Variants in GLRX observed in about 807,000 individuals in gnomAD.
GLRX encodes glutaredoxin-1.
A neutral mutation model predicts 11.1 loss-of-function variants in GLRX; 9 were observed. That is an observed-to-expected ratio of 0.81 (90% CI 0.49 to 1.42). The LOEUF is 1.42. Among genes scored for constraint, GLRX ranks in the 40% most tolerant of loss-of-function variants. The pLI is 0.00. For synonymous variants in GLRX, 49 were observed against 49.5 expected (o/e 0.99, Z 0.04); for missense variants, 102 against 126.2 (o/e 0.81, Z 0.92).
At chr5:95,821,411 A>C (rs549828293) in intron 1 of GLRX, among the ~76,000 whole-genome samples, 31 of 152,312 alleles carry the variant, frequency 2.0e-4, no homozygotes, top group Admixed American at 9.1e-4. Flanking sequence ...ACACAGCAGT[A>C]GGATAACACA....
intron 1 of GLRX, chr5:95,817,643 A>G (rs1747055176): frequency 6.6e-6 from 1 of 152,220 alleles, no homozygotes; most frequent in African/African-American, 2.4e-5. Context: ...GAGGGCTTTT[A>G]GAATCGCGAG....
chr5:95,818,099 C>A (rs1322734518), intron 1 of GLRX: 5 of 152,264 alleles, frequency 3.3e-5, no homozygotes, highest in Non-Finnish European at 7.3e-5. Flanking sequence ...AGCTGCCCCC[C>A]AGCCTCCTGA....
rs771859013 is a variant in GLRX at position 95,822,708 on chromosome 5, A to G, written c.-46T>C. The G allele has an allele frequency of 1.3e-6, 2 of 1,535,616 alleles. No individual in the cohort carries two copies. The highest frequency in any genetic ancestry group is 1.8e-6 in the Non-Finnish European group (2 of 1,112,678). Reference sequence around the variant, plus strand: ...CCGGGAAGAATCCTCAGTTGCAGGTATTGCTTGGGGTATTGAGCCCCGACC... The same window carrying G: ...CCGGGAAGAATCCTCAGTTGCAGGTGTTGCTTGGGGTATTGAGCCCCGACC... On this transcript the variant is annotated 5_prime_UTR_variant, in exon 1 of 3. Coordinates refer to ENST00000237858, the MANE Select transcript of GLRX (RefSeq NM_001118890.2).
chr5:95,820,084 G>C (rs1237724708), intron 1 of GLRX, among the ~76,000 whole-genome samples: 1 of 151,972 alleles, frequency 6.6e-6, no homozygotes, highest in East Asian at 1.9e-4. Flanking sequence ...TGTTGAGGTG[G>C]ATCACATCTG....
At chr5:95,819,897 CAAAAAAA>C (rs35347478) in intron 1 of GLRX, among the ~76,000 whole-genome samples, 1 of 54,176 alleles carries the variant, frequency 1.8e-5, no homozygotes, top group African/African-American at 8.4e-5. Flanking sequence ...GACTCCGTCT[CAAAAAAA>C]AAAAAAAAAA....
At chr5:95,820,801 T>C (rs1238121727) in intron 1 of GLRX, among the ~76,000 whole-genome samples, 1 of 151,706 alleles carries the variant, frequency 6.6e-6, no homozygotes, top group Non-Finnish European at 1.5e-5. Context: ...GTGTTGCACA[T>C]TGGAATCCCC....
intron 2 of GLRX, 127 bp downstream of exon 2, chr5:95,816,380 C>T (rs1746992525): frequency 8.4e-6 from 5 of 596,776 alleles, no homozygotes; most frequent in Non-Finnish European, 1.5e-5. Context: ...TTGACATCAC[C>T]ATTCCTCAAC....
At chr5:95,818,481 A>C (rs1747091839) in intron 1 of GLRX, 1 of 152,138 alleles carries the variant, frequency 6.6e-6, no homozygotes, top group South Asian at 2.1e-4. Flanking sequence ...GAGTTTGGTA[A>C]TCCTGTGGTT....
intron 1 of GLRX, chr5:95,818,835 C>T (rs1747105555): frequency 6.6e-6 from 1 of 152,470 alleles, no homozygotes; most frequent in African/African-American, 2.4e-5. Context: ...CCTATTAGCT[C>T]TCAGACCTCA....
chr5:95,821,773 A>T (rs1329719053), intron 1 of GLRX, among the ~76,000 whole-genome samples: 1 of 152,158 alleles, frequency 6.6e-6, no homozygotes, highest in Non-Finnish European at 1.5e-5. Flanking sequence ...TATTCGTAGC[A>T]AATGGGACTC....
chr5:95,822,651 C>A lies in GLRX; in HGVS notation c.12G>T (p.Glu4Asp), dbSNP rs759561896. ...CAGGCTGGATTTTGCAGTTCACAAA[C>A]TCTTGAGCCATGCCGATGGGCTGCG... is the stretch of plus-strand genomic sequence containing the variant. MAQ[E>D]FVNCKIQPGK... The change falls in exon 1 of 3, where the codon GAG becomes GAT. Residue 4 changes from glutamate (E) to aspartate (D), a missense_variant. Glu to Asp is a conservative substitution (Grantham distance 45, BLOSUM62 2). Coordinates refer to ENST00000237858, the MANE Select transcript of GLRX (RefSeq NM_001118890.2). The A allele has an allele frequency of 1.9e-6, 3 of 1,613,736 alleles. No individual in the cohort carries two copies. The highest frequency in any genetic ancestry group is 2.5e-6 in the Non-Finnish European group (3 of 1,179,802).
chr5:95,816,543 C>T lies in GLRX; in HGVS notation c.291G>A (p.Thr97=), dbSNP rs528811327. ...GCAGAGCTCCAATCTGCTTTAGCCGCGTCAGCAGTTCCCCACTCTGTTGCA... is the reference window on the plus strand; with the variant it reads ...GCAGAGCTCCAATCTGCTTTAGCCGTGTCAGCAGTTCCCCACTCTGTTGCA... ...VSLQQSGELL[T]RLKQIGALQ The change falls in exon 2 of 3, where the codon ACG becomes ACA. Residue 97 remains threonine, a synonymous_variant. Transcript: ENST00000237858. 19 of 1,604,426 alleles carry T rather than the reference C, an allele frequency of 1.2e-5. No individual in the cohort carries two copies. The highest frequency in any genetic ancestry group is 2.7e-5 in the African/African-American group (2 of 74,820).
At chr5:95,822,305 T>C in intron 1 of GLRX, 151 bp downstream of exon 1, 2 of 639,884 alleles carry the variant, frequency 3.1e-6, no homozygotes, top group Non-Finnish European at 5.5e-6. Flanking sequence ...CGAGATCCTC[T>C]CTAAGGCGCC....
intron 1 of GLRX, 31 bp from the exon 2 acceptor site, chr5:95,816,657 A>G (rs1389034711): frequency 4.0e-6 from 4 of 1,003,436 alleles, no homozygotes; most frequent in Middle Eastern, 2.1e-4. Context: ...GGACATTACT[A>G]CATTACTAGA....
intron 1 of GLRX, among the ~76,000 whole-genome samples, chr5:95,820,019 C>T (rs1747167797): frequency 6.6e-6 from 1 of 151,398 alleles, no homozygotes; most frequent in Admixed American, 6.6e-5. Flanking sequence ...AGGAGGAATG[C>T]ACTCAGAATT....
intron 1 of GLRX, chr5:95,822,241 C>T: frequency 1.7e-6 from 1 of 586,954 alleles, no homozygotes; most frequent in Non-Finnish European, 3.0e-6. Flanking sequence ...GCTGTACTCC[C>T]TCTTCTGCCC....
In GLRX at chr5:95,822,506, G is replaced by T; in HGVS notation, c.157C>A (p.His53Asn). ...LEFVDITATNHTNEIQDYLQQ... is the reference protein window; with the variant it reads ...LEFVDITATNNTNEIQDYLQQ... Reference sequence around the variant, plus strand: ...AAATAATCTTGAATCTCGTTAGTGTGGTTGGTGGCTGTGATATCGACAAAT... The same window carrying T: ...AAATAATCTTGAATCTCGTTAGTGTTGTTGGTGGCTGTGATATCGACAAAT... The change falls in exon 1 of 3, where the codon CAC (histidine) becomes AAC (asparagine). Residue 53 changes from histidine to asparagine, a missense_variant. By Grantham distance (68) the His-to-Asn change is moderately conservative. Transcript: ENST00000237858. The T allele has an allele frequency of 6.2e-7, 1 of 1,613,932 alleles. No homozygotes were observed. Among genetic ancestry groups the T allele is most frequent in the Non-Finnish European group, 8.5e-7 (1 of 1,179,818 alleles).
chr5:95,815,246 G>A (rs964871909), intron 2 of GLRX, among the ~76,000 whole-genome samples: 1 of 151,194 alleles, frequency 6.6e-6, no homozygotes, highest in African/African-American at 2.4e-5. Context: ...TGCTAAACAT[G>A]TCCCAGAATA....
intron 1 of GLRX, chr5:95,818,034 G>A (rs886839909): frequency 6.6e-6 from 1 of 152,158 alleles, no homozygotes; most frequent in Non-Finnish European, 1.5e-5. Context: ...CATTTCCATG[G>A]CTATTCCCTG....
Sources: allele counts gnomAD v4.1 joint callset (sites outside exome capture counted in the v4.1 genomes callset), GRCh38; gene constraint gnomAD v4.1.1; transcripts MANE v1.5; gene names NCBI Gene and HGNC (gene_info 2026-07-23, HGNC 2026-07-21).